Variants in TMIGD3 observed in about 807,000 individuals in gnomAD.
The protein encoded by TMIGD3 is AD026 protein (AD026).
Under a neutral mutation model 28.1 loss-of-function variants are expected in TMIGD3, and 21 were observed. The observed-to-expected ratio is 0.75, with a 90% CI of 0.53 to 1.08. The LOEUF (loss-of-function observed/expected upper bound fraction) is 1.08. Among genes scored for constraint, TMIGD3 ranks in the 50% least tolerant of loss-of-function variants. TMIGD3 has a pLI of 0.00. For synonymous variants in TMIGD3, 151 were observed against 162.1 expected, an observed-to-expected ratio of 0.93 and a Z score of 0.52; for missense variants, 416 against 435.6, an observed-to-expected ratio of 0.96 and a Z score of 0.40.
intron 1 of TMIGD3, among the ~76,000 whole-genome samples, chr1:111,554,041 G>A (rs999091365): frequency 3.9e-5 from 6 of 152,354 alleles, no homozygotes; most frequent in East Asian, 3.9e-4. Flanking sequence ...GAATGGTTAC[G>A]TGCATATGCA....
intron 5 of TMIGD3, chr1:111,485,510 G>A: frequency 2.3e-6 from 1 of 442,492 alleles, no homozygotes; most frequent in Non-Finnish European, 4.0e-6. Context: ...CTTCCTTCCT[G>A]ACCTACACAT....
At chr1:111,496,554 T>A (rs190551261) in intron 1 of TMIGD3, among the ~76,000 whole-genome samples, 1 of 152,282 alleles carries the variant, frequency 6.6e-6, no homozygotes, top group African/African-American at 2.4e-5. Flanking sequence ...AAACTAGGGA[T>A]TTTCCACTTT....
intron 1 of TMIGD3, among the ~76,000 whole-genome samples, chr1:111,536,300 A>G (rs2101019182): frequency 6.6e-6 from 1 of 152,248 alleles, no homozygotes; most frequent in Admixed American, 6.5e-5. Flanking sequence ...TATTAATATT[A>G]GAAGGACATT....
chr1:111,506,283 G>A (rs1008650456), upstream of TMIGD3, among the ~76,000 whole-genome samples: 24 of 152,350 alleles, frequency 1.6e-4, no homozygotes, highest in African/African-American at 5.3e-4. Flanking sequence ...GAATGAATAG[G>A]AAAGCACTTC....
intron 1 of TMIGD3, among the ~76,000 whole-genome samples, chr1:111,543,600 AAGGAGGAGGAGGAAGAGAAGGAGGAAT>A (rs1557843225): frequency 7.0e-6 from 1 of 142,388 alleles, no homozygotes; most frequent in Non-Finnish European, 1.5e-5. Context: ...CCTCTGTCTT[AAGGAGGAGGAGGAAGAGAAGGAGGAAT>A]AGGAGGAGGA....
upstream of TMIGD3, among the ~76,000 whole-genome samples, chr1:111,504,648 T>C (rs897355803): frequency 2.6e-5 from 4 of 152,202 alleles, no homozygotes; most frequent in African/African-American, 9.7e-5. Context: ...ACCTTAAGCA[T>C]CTAAATATGT....
upstream of TMIGD3, chr1:111,504,817 G>A (rs1382526476): frequency 8.2e-6 from 8 of 975,326 alleles, no homozygotes; most frequent in South Asian, 1.9e-4. Flanking sequence ...TTCCACTCCC[G>A]ACCCCCACCC....
chr1:111,528,734 T>C (rs1210413849), intron 1 of TMIGD3, among the ~76,000 whole-genome samples: 1 of 152,194 alleles, frequency 6.6e-6, no homozygotes, highest in African/African-American at 2.4e-5. Flanking sequence ...ATTGTACTTA[T>C]ATTGTTAGAT....
chr1:111,501,837 T>C (rs989223138), intron 1 of TMIGD3, among the ~76,000 whole-genome samples: 4 of 151,682 alleles, frequency 2.6e-5, no homozygotes, highest in Admixed American at 6.6e-5. Flanking sequence ...TGCTCTTTCC[T>C]CCAGAGAAGT....
chr1:111,533,679 G>A (rs1490693039), intron 1 of TMIGD3, among the ~76,000 whole-genome samples: 3 of 152,058 alleles, frequency 2.0e-5, no homozygotes, highest in South Asian at 4.2e-4. Context: ...TCAGCCCCCC[G>A]AGTAGCTGGG....
chr1:111,504,504 T>C (rs929603522), upstream of TMIGD3, among the ~76,000 whole-genome samples: 1 of 152,188 alleles, frequency 6.6e-6, no homozygotes, highest in Admixed American at 6.5e-5. Flanking sequence ...CCATTGTTAT[T>C]TGGGGACCCA....
At chr1:111,519,019 A>T (rs1289447193) in intron 1 of TMIGD3, among the ~76,000 whole-genome samples, 3 of 152,086 alleles carry the variant, frequency 2.0e-5, no homozygotes, top group Non-Finnish European at 4.4e-5. Context: ...ACTCACCGCA[A>T]CCTCTGCCTC....
At position 111,483,364 on chromosome 1, in the gene TMIGD3, T is replaced by C. The variant is rs1654213532; in HGVS notation, c.*323A>G. ...ACCTTGGAGTTCATTCAACACTGGCTAGGAATTTATTGGCTAACAAAATAC... is the reference window on the plus strand; with the variant it reads ...ACCTTGGAGTTCATTCAACACTGGCCAGGAATTTATTGGCTAACAAAATAC... On this transcript the variant is annotated 3_prime_UTR_variant, in exon 6 of 6. Transcript: ENST00000369716. 2 of 310,648 alleles carry C rather than the reference T, an allele frequency of 6.4e-6. No homozygotes were observed. Among genetic ancestry groups the C allele is most frequent in the South Asian group, 6.8e-5 (2 of 29,400 alleles). The allele number at this position is 310,648 out of a possible 1,614,324, so 19.2% of individuals were successfully genotyped here. A position where few individuals can be genotyped will look rare whatever the true frequency, so the allele number is the denominator to read the frequency against.
intron 1 of TMIGD3, among the ~76,000 whole-genome samples, chr1:111,535,120 A>G (rs1656594241): frequency 6.6e-6 from 1 of 152,208 alleles, no homozygotes; most frequent in South Asian, 2.1e-4. Context: ...AATAACACCT[A>G]CCTTATAGAC....
chr1:111,488,835 T>C lies in TMIGD3; in HGVS notation c.647A>G (p.Asn216Ser), dbSNP rs780045447. 1.4e-5 allele frequency: 22 copies of C among 1,614,228 alleles called. 1 individual carries two copies. The Middle Eastern group carries it at 4.9e-4, about 36-fold the overall frequency. Residue 216 changes from asparagine (N) to serine (S), a missense_variant, in exon 3 of 6, where the codon AAC (asparagine) becomes AGC (serine). Transcript: ENST00000369716. ...GCAGGACATAGTGACAATGAGCTGG[T>C]TCCCTGTGTCCCTCAGGGCCACATG... The part of the protein sequence containing the change: ...TNHVALRDTG[N>S]QLIVTMSCLT...
At chr1:111,504,187 G>A (rs919982985), upstream of TMIGD3, 20 of 935,556 alleles carry the variant, frequency 2.1e-5, no homozygotes, top group Non-Finnish European at 2.5e-5. Context: ...CCTCTGAGAA[G>A]CATCACACCT....
intron 1 of TMIGD3, among the ~76,000 whole-genome samples, chr1:111,511,911 A>T (rs10857890): frequency 0.23 from 34,875 of 152,018 alleles, 4,897 homozygotes; most frequent in East Asian, 0.45. Flanking sequence ...GCCCCAAATC[A>T]CAGTGTTCAT....
At chr1:111,539,860 A>T (rs1656757878) in intron 1 of TMIGD3, among the ~76,000 whole-genome samples, 1 of 152,232 alleles carries the variant, frequency 6.6e-6, no homozygotes, top group African/African-American at 2.4e-5. Flanking sequence ...AAGGCAAAAG[A>T]TAATGAAAGC....
upstream of TMIGD3, chr1:111,504,802 A>G (rs1655421228): frequency 1.1e-6 from 1 of 943,904 alleles, no homozygotes. Context: ...GGCATCATTC[A>G]TTGATTCCAC....
Sources: allele counts gnomAD v4.1 joint callset (sites outside exome capture counted in the v4.1 genomes callset), GRCh38; gene constraint gnomAD v4.1.1; transcripts MANE v1.5; gene names NCBI Gene and HGNC (gene_info 2026-07-23, HGNC 2026-07-21).